The following MRC2 variants were observed in gnomAD, a reference collection of about 807,000 sequenced individuals.
MRC2 encodes C-type mannose receptor 2.
MRC2 carries 84 observed loss-of-function variants against 206.2 expected under a neutral mutation model. That is an observed-to-expected ratio of 0.41 (90% CI 0.34 to 0.49). The LOEUF (loss-of-function observed/expected upper bound fraction) is 0.49, where lower values mean the gene tolerates loss of function less well. MRC2 is among the 20% of genes least tolerant of loss of function. MRC2 has a pLI of 0.31. For missense variants in MRC2, 1,676 were observed against 2,001.5 expected, an observed-to-expected ratio of 0.84 and a Z score of 3.10; for synonymous variants, 798 against 800.0, an observed-to-expected ratio of 1.00 and a Z score of 0.04.
At chr17:62,674,973 G>A (rs2088873700) in intron 9 of MRC2, among the ~76,000 whole-genome samples, 1 of 152,124 alleles carries the variant, frequency 6.6e-6, no homozygotes, top group South Asian at 2.1e-4. Context: ...CCCAGAAAAT[G>A]AGCAGGAAAC....
chr17:62,674,272 C>T (rs2088862524), intron 9 of MRC2, 102 bp downstream of exon 9: 8 of 811,016 alleles, frequency 9.9e-6, no homozygotes, highest in Admixed American at 6.0e-5. Flanking sequence ...ATGGCATCGC[C>T]CTCTCGTCGG....
chr17:62,630,756 C>T lies in MRC2; in HGVS notation c.118+2836C>T, dbSNP rs532320941. On this transcript the variant is annotated intron_variant, in intron 1 of 29. Coordinates refer to ENST00000303375, the MANE Select transcript of MRC2 (RefSeq NM_006039.5). ...CAGGAAATCTTCCTGTGGGGAAGGT[C>T]GGTGCTGCCTAAAGGACAGGGAGGG... 2.5e-3 allele frequency among the ~76,000 whole-genome samples: 387 copies of T among 152,144 alleles called. 1 individual carries two copies. The highest frequency in any genetic ancestry group is 8.0e-3 in the African/African-American group (332 of 41,522).
chr17:62,664,487 G>C lies in MRC2; in HGVS notation c.119-61G>C. 6.5e-7 allele frequency: 1 copy of C among 1,539,490 alleles called. No individual in the cohort carries two copies. The highest frequency in any genetic ancestry group is 8.8e-7 in the Non-Finnish European group (1 of 1,141,980). Reference sequence around the variant, plus strand: ...TGGTAGGTGCCTGTCAGCCACACCGGTCATCAAGGGCCAACCAGGAGAGCC... The same window carrying C: ...TGGTAGGTGCCTGTCAGCCACACCGCTCATCAAGGGCCAACCAGGAGAGCC... On this transcript the variant is annotated intron_variant, in intron 1 of 29. Transcript: ENST00000303375. This position sits in a 1 kb window ranked among gnomAD's most constrained non-coding sequence, Gnocchi z 4.7.
chr17:62,670,451 G>A (rs2088813745), intron 6 of MRC2, among the ~76,000 whole-genome samples: 1 of 152,260 alleles, frequency 6.6e-6, no homozygotes, highest in Non-Finnish European at 1.5e-5. Context: ...AGCAGGTGTG[G>A]CTGGACCACT....
intron 20 of MRC2, among the ~76,000 whole-genome samples, chr17:62,682,591 A>C (rs2465454): frequency 0.86 from 131,511 of 152,128 alleles, 59,246 homozygotes; most frequent in Non-Finnish European, 0.98. Context: ...CCGGGAAGCA[A>C]GGTTGTCCAA....
In MRC2 at chr17:62,672,076, G is replaced by T; in HGVS notation, c.1385G>T (p.Ser462Ile). 6.2e-7 allele frequency: 1 copy of T among 1,614,126 alleles called. No individual in the cohort carries two copies. Among genetic ancestry groups the T allele is most frequent in the Non-Finnish European group, 8.5e-7 (1 of 1,180,032 alleles). The part of the protein sequence containing the change: ...NFEWSDGSLV[S>I]FTHWHPFEPN... Reference sequence around the variant, plus strand: ...GAGTGGTCTGACGGGAGCCTTGTGAGCTTCACCCACTGGCACCCCTTTGAG... The same window carrying T: ...GAGTGGTCTGACGGGAGCCTTGTGATCTTCACCCACTGGCACCCCTTTGAG... Residue 462 changes from serine (S) to isoleucine (I), a missense_variant, in exon 8 of 30, where the codon AGC becomes ATC. Transcript: ENST00000303375. This position sits in a 1 kb window ranked among gnomAD's most constrained non-coding sequence, Gnocchi z 4.5.
At position 62,688,951 on chromosome 17, in the gene MRC2, A is replaced by C; in HGVS notation, c.3325A>C (p.Lys1109Gln). 1 of 1,613,418 alleles carries C rather than the reference A, an allele frequency of 6.2e-7. No individual in the cohort carries two copies. The change falls in exon 23 of 30, where the codon AAG (lysine) becomes CAG (glutamine). Residue 1109 changes from lysine to glutamine, a missense_variant. By Grantham distance (53) the Lys-to-Gln change is moderately conservative. Transcript: ENST00000303375. Reference protein sequence around the residue: ...TEETHGFICQKGTDPSLSPSP... With the variant: ...TEETHGFICQQGTDPSLSPSP... ...GGAGACCCATGGCTTCATCTGCCAG[A>C]AGGGCACGGGTATGTGTCACCAGTC...
At position 62,682,229 on chromosome 17, in the gene MRC2, C is replaced by A. The variant is rs1209577159; in HGVS notation, c.2804-6C>A. The A allele has an allele frequency of 6.4e-7, 1 of 1,574,706 alleles. No individual in the cohort carries two copies. Among genetic ancestry groups the A allele is most frequent in the South Asian group, 1.2e-5 (1 of 85,906 alleles). On this transcript the variant is annotated splice_polypyrimidine_tract_variant and splice_region_variant and intron_variant, in intron 19 of 29. Transcript: ENST00000303375. ...GGGTGACTGCCCTCCCCTCCCCTTT[C>A]CGCAGAGGACTGGGGGGACCAGAGG...
intron 1 of MRC2, among the ~76,000 whole-genome samples, chr17:62,653,977 C>T (rs1374688252): frequency 6.6e-6 from 1 of 152,094 alleles, no homozygotes; most frequent in Non-Finnish European, 1.5e-5. Flanking sequence ...GCTGGGTCCC[C>T]AGGGTTGGCC....
At position 62,688,526 on chromosome 17, in the gene MRC2, T is replaced by C. The variant is rs1318414252; in HGVS notation, c.3087T>C (p.Asn1029=). ...EQAFITASLP[N]VTFDLWIGLH... ...CATTCATCACAGCCAGCCTGCCCAATGTGACCTTTGACCTTTGGATTGGCC... is the reference window on the plus strand; with the variant it reads ...CATTCATCACAGCCAGCCTGCCCAACGTGACCTTTGACCTTTGGATTGGCC... Residue 1029 remains asparagine, a synonymous_variant, in exon 22 of 30, where the codon AAT becomes AAC. Coordinates refer to ENST00000303375, the MANE Select transcript of MRC2 (RefSeq NM_006039.5). 6.2e-7 allele frequency: 1 copy of C among 1,614,234 alleles called. No homozygotes were observed. Among genetic ancestry groups the C allele is most frequent in the South Asian group, 1.1e-5 (1 of 91,090 alleles).
chr17:62,638,860 A>G (rs1173369012), intron 1 of MRC2, among the ~76,000 whole-genome samples: 1 of 152,152 alleles, frequency 6.6e-6, no homozygotes, highest in East Asian at 1.9e-4. Flanking sequence ...CCGAGGTTGC[A>G]GTGAGCTGAG....
rs768380636 is a variant in MRC2, at chr17:62,680,190, C to G, written c.2319C>G (p.Asp773Glu). 2.5e-6 allele frequency: 4 copies of G among 1,614,102 alleles called. No individual in the cohort carries two copies. The South Asian group carries it at 4.4e-5, about 18-fold the overall frequency. Reference sequence around the variant, plus strand: ...TCCAGTTCTCTTACCACAATTTCGACCGGAGCCGGCACGACGACGACGACA... The same window carrying G: ...TCCAGTTCTCTTACCACAATTTCGAGCGGAGCCGGCACGACGACGACGACA... ...DGVGFSYHNF[D>E]RSRHDDDDIR... The change falls in exon 15 of 30, where the codon GAC (aspartate) becomes GAG (glutamate). Residue 773 changes from aspartate to glutamate, a missense_variant. Physicochemically the swap from Asp to Glu is conservative, Grantham distance 45. Transcript: ENST00000303375. The surrounding 1 kb of genome is among the most constrained non-coding windows in gnomAD (Gnocchi z 4.8).
chr17:62,637,646 G>A (rs1472945332), intron 1 of MRC2, among the ~76,000 whole-genome samples: 2 of 151,990 alleles, frequency 1.3e-5, no homozygotes, highest in Non-Finnish European at 2.9e-5. Context: ...TGCCCAACCC[G>A]GACTCTGCTC....
At chr17:62,678,045 G>A (rs375247951) in intron 12 of MRC2, among the ~76,000 whole-genome samples, 47 of 152,258 alleles carry the variant, frequency 3.1e-4, no homozygotes, top group African/African-American at 1.1e-3. Context: ...GCGAGACTCC[G>A]TCTCAAAAAT....
intron 8 of MRC2, 120 bp from the exon 9 acceptor site, chr17:62,673,943 A>G (rs2088857968): frequency 2.6e-6 from 2 of 768,712 alleles, no homozygotes; most frequent in Admixed American, 2.3e-5. Flanking sequence ...GGACACAGAC[A>G]TGTCAGAATC....
Position 62,690,051 on chromosome 17 carries a change from G to T in MRC2, c.3731G>T (p.Gly1244Val), listed in dbSNP as rs1374738024. 3.1e-6 allele frequency: 5 copies of T among 1,601,728 alleles called. No individual in the cohort carries two copies. The highest frequency in any genetic ancestry group is 4.3e-6 in the Non-Finnish European group (5 of 1,173,772). ...CDTKLQGAVC[G>V]VSSGPPPPRR... The stretch of plus-strand genomic sequence containing the variant: ...ACCAAGCTGCAGGGGGCTGTGTGTG[G>T]GGTTAGCAGTGGTGAGTGCCCACCT... Residue 1244 changes from glycine to valine, a missense_variant, in exon 25 of 30, where the codon GGG becomes GTG. Gly to Val is a moderately radical substitution (Grantham distance 109, BLOSUM62 -3). Coordinates refer to ENST00000303375, the MANE Select transcript of MRC2 (RefSeq NM_006039.5).
intron 1 of MRC2, among the ~76,000 whole-genome samples, chr17:62,635,131 C>T (rs927083466): frequency 3.3e-5 from 5 of 151,268 alleles, no homozygotes; most frequent in African/African-American, 1.2e-4. Flanking sequence ...ATGCCCAGCC[C>T]CATTGTTTTT....
intron 1 of MRC2, among the ~76,000 whole-genome samples, chr17:62,629,970 G>T (rs1598961395): frequency 2.0e-5 from 3 of 152,350 alleles, no homozygotes; most frequent in Admixed American, 2.0e-4. Flanking sequence ...GTGCCTTCTT[G>T]GTGCGTGATG....
In MRC2 at chr17:62,667,989, G is replaced by A. The variant is rs890397999; in HGVS notation, c.1117+456G>A. Among the ~76,000 whole-genome samples, 2 of 152,186 alleles carry A rather than the reference G, an allele frequency of 1.3e-5. No individual in the cohort carries two copies. Among genetic ancestry groups the A allele is most frequent in the Non-Finnish European group, 2.9e-5 (2 of 68,030 alleles). The stretch of plus-strand genomic sequence containing the variant: ...TTAAAAGATATAAAGAGGTGTGGGG[G>A]AAGGGCATTCCTGGCAGAGGGAAGA... On this transcript the variant is annotated intron_variant, in intron 6 of 29. Coordinates refer to ENST00000303375, the MANE Select transcript of MRC2 (RefSeq NM_006039.5). This position sits in a 1 kb window ranked among gnomAD's most constrained non-coding sequence, Gnocchi z 4.1.
Sources: gnomAD v4.1 joint callset for allele counts (sites outside exome capture counted in the v4.1 genomes callset) on GRCh38, gnomAD v4.1.1 for gene constraint, Gnocchi (gnomAD v3.1) non-coding constraint, MANE v1.5 for transcripts, NCBI Gene and HGNC (gene_info 2026-07-23, HGNC 2026-07-21) for gene names.